GEMIN7: variants seen among roughly 807,000 people sequenced by gnomAD.
The protein encoded by GEMIN7 is gem-associated protein 7.
In GEMIN7, 7 loss-of-function variants were observed where a neutral mutation model predicts 7.8. The observed-to-expected ratio is 0.90, with a 90% CI of 0.51 to 1.69. The LOEUF is 1.69. GEMIN7 is among the 40% of genes most tolerant of loss of function. The probability of loss-of-function intolerance (pLI) is 0.00; values close to 1 mark genes in which losing one functional copy is unlikely to be tolerated. For missense variants in GEMIN7, 159 were observed against 176.2 expected (o/e 0.90, Z 0.55); for synonymous variants, 68 against 72.4 (o/e 0.94, Z 0.31).
At chr19:45,084,098 C>T (rs904726996) in intron 2 of GEMIN7, among the ~76,000 whole-genome samples, 1 of 150,358 alleles carries the variant, frequency 6.7e-6, no homozygotes, top group Non-Finnish European at 1.5e-5. Context: ...GTAATCCCAG[C>T]TACTTGGGAG....
chr19:45,082,369 G>C (rs542102616), intron 2 of GEMIN7, among the ~76,000 whole-genome samples: 1 of 152,248 alleles, frequency 6.6e-6, no homozygotes, highest in Non-Finnish European at 1.5e-5. Flanking sequence ...TCTTTCCTGG[G>C]CTCCCTTGAA....
At chr19:45,086,859 T>TTGTC (rs1568432292) in intron 2 of GEMIN7, among the ~76,000 whole-genome samples, 2 of 151,540 alleles carry the variant, frequency 1.3e-5, no homozygotes, top group Middle Eastern at 3.4e-3. Flanking sequence ...GTTTGTTTGT[T>TTGTC]TTTTTCGAGA....
intron 2 of GEMIN7, among the ~76,000 whole-genome samples, chr19:45,084,529 A>G (rs1967613910): frequency 6.6e-6 from 1 of 151,916 alleles, no homozygotes; most frequent in Non-Finnish European, 1.5e-5. Flanking sequence ...CAGCCTCCTG[A>G]GTAGTTGGGA....
At chr19:45,075,714 T>G, upstream of GEMIN7, 2 of 1,613,898 alleles carry the variant, frequency 1.2e-6, no homozygotes, top group Non-Finnish European at 1.7e-6. Context: ...TTTACTCACC[T>G]GAGCCCTGGC....
upstream of GEMIN7, chr19:45,076,167 G>T (rs755608364): frequency 1.3e-6 from 2 of 1,522,642 alleles, no homozygotes; most frequent in Admixed American, 4.6e-5. This position sits in a 1 kb window ranked among gnomAD's most constrained non-coding sequence, Gnocchi z 4.9. Flanking sequence ...TGGGGCCAGG[G>T]GAGTGGTGGG....
chr19:45,084,528 G>C (rs1204172658), intron 2 of GEMIN7, among the ~76,000 whole-genome samples: 3 of 152,088 alleles, frequency 2.0e-5, no homozygotes, highest in East Asian at 3.9e-4. Context: ...TCAGCCTCCT[G>C]AGTAGTTGGG....
At chr19:45,085,863 CTTTTTTTTTTTT>C (rs869044428) in intron 2 of GEMIN7, among the ~76,000 whole-genome samples, 1 of 88,412 alleles carries the variant, frequency 1.1e-5, no homozygotes, top group Non-Finnish European at 2.1e-5. Context: ...ACAAGAATCT[CTTTTTTTTTTTT>C]TTTTTTTTTT....
At chr19:45,090,072 G>A (rs1283865519) in intron 2 of GEMIN7, 35 bp from the exon 3 acceptor site, 3 of 1,575,106 alleles carry the variant, frequency 1.9e-6, no homozygotes, top group Non-Finnish European at 2.6e-6. Flanking sequence ...TGCTTACCAT[G>A]TAATGACTTC....
At chr19:45,083,805 C>G (rs1967584755) in intron 2 of GEMIN7, among the ~76,000 whole-genome samples, 1 of 151,604 alleles carries the variant, frequency 6.6e-6, no homozygotes, top group African/African-American at 2.4e-5. Flanking sequence ...TGCTATGTTG[C>G]CCAAGCTGGT....
At chr19:45,084,040 G>A (rs1352137174) in intron 2 of GEMIN7, among the ~76,000 whole-genome samples, 5 of 151,246 alleles carry the variant, frequency 3.3e-5, no homozygotes, top group Admixed American at 2.0e-4. Flanking sequence ...GGGAAACCCC[G>A]TCTCTACTGA....
chr19:45,075,887 G>A, upstream of GEMIN7: 5 of 1,612,746 alleles, frequency 3.1e-6, no homozygotes, highest in Non-Finnish European at 4.2e-6. Flanking sequence ...CGGGTGGTGA[G>A]CGTGGGGTGG....
intron 2 of GEMIN7, among the ~76,000 whole-genome samples, chr19:45,085,863 C>CTTTTTTTTTTTT (rs869044428): frequency 1.1e-5 from 1 of 88,412 alleles, no homozygotes; most frequent in African/African-American, 4.9e-5. Flanking sequence ...ACAAGAATCT[C>CTTTTTTTTTTTT]TTTTTTTTTT....
upstream of GEMIN7, among the ~76,000 whole-genome samples, chr19:45,077,509 T>G (rs192227022): frequency 1.3e-5 from 2 of 152,160 alleles, no homozygotes; most frequent in Non-Finnish European, 2.9e-5. Flanking sequence ...GAACGGCTTG[T>G]GGACTGTCCT....
intron 1 of GEMIN7, 124 bp downstream of exon 1, chr19:45,079,501 GAGA>G (rs769422922): frequency 2.0e-5 from 3 of 152,362 alleles, no homozygotes; most frequent in East Asian, 1.9e-4. Flanking sequence ...GAGGAGAAGG[GAGA>G]AGGAGAAAAA....
intron 2 of GEMIN7, among the ~76,000 whole-genome samples, chr19:45,086,608 A>G (rs1012476438): frequency 1.3e-4 from 20 of 152,170 alleles, no homozygotes; most frequent in African/African-American, 2.4e-4. Context: ...AAACAGAGGC[A>G]CAGATTAGTC....
intron 2 of GEMIN7, among the ~76,000 whole-genome samples, chr19:45,081,036 G>A (rs1045647643): frequency 2.6e-5 from 4 of 152,182 alleles, no homozygotes; most frequent in African/African-American, 9.7e-5. Flanking sequence ...GCGTGTTGGC[G>A]TGGGCCTGTA....
intron 2 of GEMIN7, among the ~76,000 whole-genome samples, chr19:45,087,391 G>C (rs1361838083): frequency 6.6e-6 from 1 of 151,882 alleles, no homozygotes; most frequent in Non-Finnish European, 1.5e-5. Flanking sequence ...TGATCCTCCA[G>C]CCTCAGCCCC....
rs776071495 is a variant in GEMIN7, at chr19:45,090,262, T to A, written c.148T>A (p.Ser50Thr). ...CCAGGAGTGTCCCATAGCTCAAGAA[T>A]CCCTGGAATCCCAGGAGCAGCGGGC... ...EIQECPIAQE[S>T]LESQEQRARA... The change falls in exon 3 of 3, where the codon TCC (serine) becomes ACC (threonine). Residue 50 changes from serine (S) to threonine (T), a missense_variant. Coordinates refer to ENST00000270257, the MANE Select transcript of GEMIN7 (RefSeq NM_024707.3). The A allele has an allele frequency of 3.7e-6, 6 of 1,614,010 alleles. No homozygotes were observed. The Admixed American group carries it at 1.0e-4, about 27-fold the overall frequency.
chr19:45,086,272 A>G (rs1196632838), intron 2 of GEMIN7, among the ~76,000 whole-genome samples: 2 of 151,670 alleles, frequency 1.3e-5, no homozygotes, highest in Non-Finnish European at 2.9e-5. Flanking sequence ...CCAAAAAAGG[A>G]AAAAAAAGAA....
Sources: allele counts gnomAD v4.1 joint callset (sites outside exome capture counted in the v4.1 genomes callset), GRCh38; gene constraint gnomAD v4.1.1; non-coding constraint Gnocchi (gnomAD v3.1); transcripts MANE v1.5; gene names NCBI Gene and HGNC (gene_info 2026-07-23, HGNC 2026-07-21).